The following PRELID2 variants were observed in gnomAD, a reference collection of about 807,000 sequenced individuals.
PRELID2 encodes the protein PRELI domain-containing protein 2.
Under a neutral mutation model 28.4 loss-of-function variants are expected in PRELID2, and 25 were observed. The observed-to-expected ratio is 0.88, with a 90% confidence interval of 0.64 to 1.23. The LOEUF (loss-of-function observed/expected upper bound fraction) is 1.23. PRELID2 is among the 50% of genes most tolerant of loss of function. The probability of loss-of-function intolerance (pLI) is 0.00; values close to 1 mark genes in which losing one functional copy is unlikely to be tolerated. For synonymous variants in PRELID2, 76 were observed against 71.6 expected, an observed-to-expected ratio of 1.06 and a Z score of -0.31; for missense variants, 201 against 214.4, an observed-to-expected ratio of 0.94 and a Z score of 0.39.
the PRELID2 span, among the ~76,000 whole-genome samples, chr5:145,311,863 A>G: frequency 6.6e-6 from 1 of 152,152 alleles, no homozygotes; most frequent in African/African-American, 2.4e-5. Flanking sequence ...GCAGATTCTC[A>G]TAACAGATAT....
At chr5:145,244,063 C>G in the PRELID2 span, among the ~76,000 whole-genome samples, 6 of 152,080 alleles carry the variant, frequency 3.9e-5, no homozygotes, top group Non-Finnish European at 8.8e-5. Context: ...AAGCAATTCT[C>G]CTGCCTCAGG....
chr5:145,502,725 G>A (rs13360639), intron 1 of PRELID2, among the ~76,000 whole-genome samples: 49,156 of 151,942 alleles, frequency 0.32, 9,161 homozygotes, highest in East Asian at 0.9. Context: ...TGCATATAAT[G>A]AATTAATGAG....
chr5:145,619,915 A>G (rs1467432161), intron 1 of PRELID2, among the ~76,000 whole-genome samples: 1 of 152,252 alleles, frequency 6.6e-6, no homozygotes, highest in East Asian at 1.9e-4. Flanking sequence ...CAATGAGGTT[A>G]CAACATACCC....
chr5:145,639,990 G>T (rs760244861), intron 1 of PRELID2, among the ~76,000 whole-genome samples: 2 of 152,104 alleles, frequency 1.3e-5, no homozygotes, highest in Non-Finnish European at 2.9e-5. Context: ...ACCCTCTATT[G>T]TCTCTTAGCT....
chr5:145,691,428 G>A (rs1362612469), intron 1 of PRELID2, among the ~76,000 whole-genome samples: 14 of 152,216 alleles, frequency 9.2e-5, no homozygotes, highest in East Asian at 3.9e-4. Context: ...AGACTCGGCC[G>A]GGCGTGGTGG....
chr5:145,249,660 A>G, the PRELID2 span, among the ~76,000 whole-genome samples: 5 of 152,148 alleles, frequency 3.3e-5, no homozygotes, highest in African/African-American at 1.2e-4. Flanking sequence ...ACCTTCCTTC[A>G]ACATTATTTT....
intron 5 of PRELID2, among the ~76,000 whole-genome samples, chr5:145,769,304 T>C (rs781246465): frequency 2.0e-5 from 3 of 152,230 alleles, no homozygotes; most frequent in Non-Finnish European, 2.9e-5. Flanking sequence ...TCTCGCAGGT[T>C]CATTTCCCTA....
chr5:145,642,199 T>C (rs1581021487), intron 1 of PRELID2, among the ~76,000 whole-genome samples: 1 of 152,212 alleles, frequency 6.6e-6, no homozygotes, highest in Non-Finnish European at 1.5e-5. Context: ...TTTTTAATGA[T>C]TGGCATTCTA....
chr5:145,553,017 A>T (rs1752850260), intron 1 of PRELID2, among the ~76,000 whole-genome samples: 1 of 152,214 alleles, frequency 6.6e-6, no homozygotes, highest in Non-Finnish European at 1.5e-5. Flanking sequence ...CCTTTTGCAG[A>T]TATTTCCCAA....
chr5:145,457,409 T>C, the PRELID2 span, among the ~76,000 whole-genome samples: 2 of 152,138 alleles, frequency 1.3e-5, no homozygotes, highest in African/African-American at 2.4e-5. Context: ...CCACCCTCTA[T>C]GTTGGAAAGC....
the PRELID2 span, among the ~76,000 whole-genome samples, chr5:145,454,973 C>T: frequency 1.1e-4 from 17 of 152,236 alleles, no homozygotes; most frequent in African/African-American, 4.1e-4. Flanking sequence ...TGCAGAAGCT[C>T]TTTAGTTTAA....
chr5:145,531,527 A>C, intron 1 of PRELID2, among the ~76,000 whole-genome samples: 1 of 152,236 alleles, frequency 6.6e-6, no homozygotes, highest in Middle Eastern at 3.4e-3. Flanking sequence ...CCTTCACTGA[A>C]AGTATGATTC....
chr5:145,715,497 A>G (rs1755817732), intron 1 of PRELID2, among the ~76,000 whole-genome samples: 1 of 152,122 alleles, frequency 6.6e-6, no homozygotes, highest in Non-Finnish European at 1.5e-5. Flanking sequence ...TGGAACTTAA[A>G]TCCAATCAAG....
chr5:145,243,699 T>G, the PRELID2 span, among the ~76,000 whole-genome samples: 2 of 150,304 alleles, frequency 1.3e-5, no homozygotes, highest in African/African-American at 5.0e-5. Flanking sequence ...AATTGGCTTA[T>G]TTCACTTGGT....
chr5:145,736,952 C>T (rs1233712430), intron 1 of PRELID2, among the ~76,000 whole-genome samples: 1 of 151,790 alleles, frequency 6.6e-6, no homozygotes, highest in African/African-American at 2.4e-5. Context: ...AATCTAATGT[C>T]AGAGCTCAGG....
chr5:145,231,609 T>A, the PRELID2 span, among the ~76,000 whole-genome samples: 16 of 152,292 alleles, frequency 1.1e-4, no homozygotes, highest in African/African-American at 3.9e-4. Context: ...CCCACTAGAA[T>A]TGAGTCTGAA....
At chr5:145,262,522 G>A in the PRELID2 span, among the ~76,000 whole-genome samples, 5 of 152,022 alleles carry the variant, frequency 3.3e-5, no homozygotes, top group African/African-American at 7.2e-5. Context: ...GAAGGGATTG[G>A]GGTCCTATCT....
the PRELID2 span, among the ~76,000 whole-genome samples, chr5:145,326,623 C>T: frequency 6.6e-6 from 1 of 152,014 alleles, no homozygotes; most frequent in African/African-American, 2.4e-5. Flanking sequence ...AGAAGGCCTA[C>T]ATATATAAAG....
chr5:145,498,710 T>A (rs1389638019), intron 1 of PRELID2, among the ~76,000 whole-genome samples: 1 of 151,964 alleles, frequency 6.6e-6, no homozygotes, highest in Admixed American at 6.6e-5. Context: ...TTTTTGTTTT[T>A]TGTTTTGTTT....
Sources: allele counts gnomAD v4.1 joint callset (sites outside exome capture counted in the v4.1 genomes callset), GRCh38; gene constraint gnomAD v4.1.1; transcripts MANE v1.5; gene names NCBI Gene and HGNC (gene_info 2026-07-23, HGNC 2026-07-21).